Variants in CSMD1 observed in about 807,000 individuals in gnomAD.
The protein encoded by CSMD1 is CUB and Sushi multiple domains 1.
Under a neutral mutation model 417.5 loss-of-function variants are expected in CSMD1, and 213 were observed. The observed-to-expected ratio is 0.51, with a 90% CI of 0.46 to 0.57. The LOEUF (loss-of-function observed/expected upper bound fraction) is 0.57, where lower values mean the gene tolerates loss of function less well. Ranked by LOEUF, CSMD1 falls within the 20% of genes least tolerant of loss-of-function variation. CSMD1 has a pLI of 0.00. For missense variants in CSMD1, 6,923 were observed against 4,529.7 expected (o/e 1.53, Z -15.17); for synonymous variants, 2,862 against 1,736.8 (o/e 1.65, Z -16.11).
At chr8:3,475,988 C>G (rs1245161923) in intron 11 of CSMD1, among the ~76,000 whole-genome samples, 2 of 152,162 alleles carry the variant, frequency 1.3e-5, no homozygotes, top group Admixed American at 6.5e-5. Flanking sequence ...CATCTCTGAT[C>G]AAATCTTCCC....
intron 1 of CSMD1, among the ~76,000 whole-genome samples, chr8:4,694,993 G>C (rs1348540632): frequency 2.0e-5 from 3 of 151,794 alleles, no homozygotes; most frequent in Non-Finnish European, 2.9e-5. Flanking sequence ...AAATACGAAG[G>C]TATTAAAATA....
chr8:3,907,597 C>A (rs747587849), intron 5 of CSMD1, among the ~76,000 whole-genome samples: 7 of 152,166 alleles, frequency 4.6e-5, no homozygotes, highest in Non-Finnish European at 8.8e-5. Flanking sequence ...TACAGGCCAA[C>A]ATCATGAAAA....
At chr8:4,824,801 C>T (rs889491159) in intron 1 of CSMD1, among the ~76,000 whole-genome samples, 5 of 152,214 alleles carry the variant, frequency 3.3e-5, no homozygotes, top group Admixed American at 6.5e-5. Context: ...TTAATGTACT[C>T]GGAGGAAATG....
chr8:2,962,972 C>T (rs748915926), intron 60 of CSMD1, among the ~76,000 whole-genome samples: 7 of 152,158 alleles, frequency 4.6e-5, no homozygotes, highest in East Asian at 1.9e-4. Context: ...GGTTTGAGCC[C>T]GAGAGATTGA....
At chr8:4,103,634 C>T (rs1228116995) in intron 3 of CSMD1, among the ~76,000 whole-genome samples, 2 of 152,032 alleles carry the variant, frequency 1.3e-5, no homozygotes, top group East Asian at 1.9e-4. Context: ...TCTTAAGGAT[C>T]TTTAAATCTC....
chr8:3,270,740 G>T (rs1464114798), intron 26 of CSMD1, among the ~76,000 whole-genome samples: 1 of 151,966 alleles, frequency 6.6e-6, no homozygotes, highest in Non-Finnish European at 1.5e-5. Context: ...AATCCAGAGG[G>T]GAAGGAACTT....
At chr8:4,970,143 A>G (rs1433533453) in intron 1 of CSMD1, among the ~76,000 whole-genome samples, 1 of 152,102 alleles carries the variant, frequency 6.6e-6, no homozygotes, top group Non-Finnish European at 1.5e-5. Context: ...TTTAGAAGGC[A>G]TATCCTACTT....
chr8:4,320,801 G>C (rs1231481047), intron 3 of CSMD1, among the ~76,000 whole-genome samples: 1 of 152,100 alleles, frequency 6.6e-6, no homozygotes, highest in Non-Finnish European at 1.5e-5. Context: ...TCTAGAACTA[G>C]ACCTACCATT....
At chr8:4,935,984 T>A (rs1035336786) in intron 1 of CSMD1, among the ~76,000 whole-genome samples, 1 of 152,154 alleles carries the variant, frequency 6.6e-6, no homozygotes, top group South Asian at 2.1e-4. Context: ...CATGGAAGAA[T>A]CAGCAAAAAC....
chr8:3,861,752 A>C (rs999783771), intron 5 of CSMD1, among the ~76,000 whole-genome samples: 2 of 152,188 alleles, frequency 1.3e-5, no homozygotes, highest in Non-Finnish European at 2.9e-5. Flanking sequence ...ACCAAAAGAA[A>C]TATCCTAACT....
intron 2 of CSMD1, among the ~76,000 whole-genome samples, chr8:4,635,212 A>C (rs1201361339): frequency 1.3e-5 from 2 of 152,182 alleles, no homozygotes; most frequent in Admixed American, 6.5e-5. Flanking sequence ...AAAGAAAAAA[A>C]CATTCTGTTG....
At chr8:3,868,775 G>A (rs766861773) in intron 5 of CSMD1, among the ~76,000 whole-genome samples, 3 of 152,070 alleles carry the variant, frequency 2.0e-5, no homozygotes, top group Non-Finnish European at 2.9e-5. Context: ...ATTTCTGTTC[G>A]CTATACCTTC....
chr8:4,913,722 T>C lies in CSMD1; in HGVS notation c.85+80610A>G, dbSNP rs73507951. Among the ~76,000 whole-genome samples the C allele has an allele frequency of 1.0e-3, 157 of 152,288 alleles. 1 individual carries two copies. The East Asian group carries it at 0.012, about 12-fold the overall frequency. On this transcript the variant is annotated intron_variant, in intron 1 of 69. Coordinates refer to ENST00000635120, the MANE Select transcript of CSMD1 (RefSeq NM_033225.6). Reference sequence around the variant, plus strand: ...CTACAATTAATCTTAGGAAGAACCATTGACAAATCTGCAAGCGAGGGAGTT... The same window carrying C: ...CTACAATTAATCTTAGGAAGAACCACTGACAAATCTGCAAGCGAGGGAGTT...
At chr8:3,599,598 G>A (rs888123489) in intron 8 of CSMD1, among the ~76,000 whole-genome samples, 2 of 152,136 alleles carry the variant, frequency 1.3e-5, no homozygotes, top group African/African-American at 4.8e-5. Context: ...ATACAGCATT[G>A]TTAATTAACC....
chr8:3,004,970 C>T (rs1807751576), intron 52 of CSMD1, among the ~76,000 whole-genome samples: 1 of 152,116 alleles, frequency 6.6e-6, no homozygotes, highest in South Asian at 2.1e-4. Flanking sequence ...GAAAGCCCAT[C>T]TCTACTAAAA....
At chr8:3,719,593 C>T (rs115835240) in intron 6 of CSMD1, among the ~76,000 whole-genome samples, 420 of 152,256 alleles carry the variant, frequency 2.8e-3, no homozygotes, top group African/African-American at 9.6e-3. Context: ...TGCAAGAGTG[C>T]TGTGATGAAC....
intron 30 of CSMD1, among the ~76,000 whole-genome samples, chr8:3,206,478 GCGTGTA>G (rs1797280745): frequency 1.8e-5 from 1 of 54,364 alleles, no homozygotes; most frequent in Non-Finnish European, 3.6e-5. Flanking sequence ...TTATGTCTGT[GCGTGTA>G]TGTGTGTGTG....
chr8:4,811,283 A>G (rs1435766877), intron 1 of CSMD1, among the ~76,000 whole-genome samples: 1 of 152,222 alleles, frequency 6.6e-6, no homozygotes, highest in East Asian at 1.9e-4. Flanking sequence ...TAAATTAGGA[A>G]TGTCAAACCT....
intron 8 of CSMD1, among the ~76,000 whole-genome samples, chr8:3,591,964 T>C (rs1022723066): frequency 6.6e-6 from 1 of 151,914 alleles, no homozygotes; most frequent in Non-Finnish European, 1.5e-5. Context: ...GATAGATGAA[T>C]GGATGGAAAG....
Sources: allele counts gnomAD v4.1 joint callset (sites outside exome capture counted in the v4.1 genomes callset), GRCh38; gene constraint gnomAD v4.1.1; transcripts MANE v1.5; gene names NCBI Gene and HGNC (gene_info 2026-07-23, HGNC 2026-07-21).